The following ARHGAP10 variants were observed in gnomAD, a reference collection of about 807,000 sequenced individuals.
ARHGAP10 encodes the protein rho GTPase-activating protein 10.
ARHGAP10 carries 87 observed loss-of-function variants against 108.6 expected under a neutral mutation model. The ratio of observed to expected loss-of-function variants is 0.80; its 90% CI spans 0.67 to 0.96. ARHGAP10 has a LOEUF of 0.96. Among genes scored for constraint, ARHGAP10 ranks in the 40% least tolerant of loss-of-function variants. ARHGAP10 has a pLI of 0.00. For missense variants in ARHGAP10, 939 were observed against 954.5 expected (o/e 0.98, Z 0.21); for synonymous variants, 347 against 341.1 (o/e 1.02, Z -0.19).
rs763356812 is a variant in ARHGAP10, at chr4:147,732,467, C to G, written c.154+12C>G. On this transcript the variant is annotated intron_variant, in intron 1 of 22. Coordinates refer to ENST00000336498, the MANE Select transcript of ARHGAP10 (RefSeq NM_024605.4). ...CGCTGCGACGAAAAGTAAGCGGGGA[C>G]GCGGGCGCGGACGGGCTGCGGCGTG... 17 of 1,609,400 alleles carry G rather than the reference C, an allele frequency of 1.1e-5. No homozygotes were observed. Among genetic ancestry groups the G allele is most frequent in the Non-Finnish European group, 1.4e-5 (17 of 1,177,678 alleles).
chr4:147,841,050 T>C lies in ARHGAP10; in HGVS notation c.313-6101T>C, dbSNP rs542211829. Among the ~76,000 whole-genome samples the C allele has an allele frequency of 3.3e-4, 50 of 152,374 alleles. 1 individual carries two copies. Among genetic ancestry groups the C allele is most frequent in the African/African-American group, 1.0e-3 (43 of 41,602 alleles). ...AACACACTTGGACCCATCATTCATA[T>C]GCTGTTTGTGGCTGCTTTTGTGCTA... On this transcript the variant is annotated intron_variant, in intron 3 of 22. Transcript: ENST00000336498.
chr4:148,031,697 T>A (rs547260533), intron 19 of ARHGAP10, among the ~76,000 whole-genome samples: 1 of 152,308 alleles, frequency 6.6e-6, no homozygotes, highest in African/African-American at 2.4e-5. Context: ...AAAAAACAAA[T>A]GTTTAGTGTT....
At chr4:147,930,982 A>C (rs1737654671) in intron 13 of ARHGAP10, among the ~76,000 whole-genome samples, 1 of 152,206 alleles carries the variant, frequency 6.6e-6, no homozygotes, top group Non-Finnish European at 1.5e-5. Flanking sequence ...AGTTCCATGC[A>C]GGTGTTTTCT....
At chr4:148,070,237 G>A (rs979020754) in intron 22 of ARHGAP10, among the ~76,000 whole-genome samples, 1 of 152,192 alleles carries the variant, frequency 6.6e-6, no homozygotes. Flanking sequence ...GACCTGGTCT[G>A]GAGCCAGGAG....
chr4:148,033,143 T>G (rs565086055), intron 19 of ARHGAP10, among the ~76,000 whole-genome samples: 5 of 152,300 alleles, frequency 3.3e-5, no homozygotes, highest in Non-Finnish European at 5.9e-5. Context: ...TTTTTCAAAT[T>G]TTATAGTATA....
At chr4:147,843,294 G>A (rs899976732) in intron 3 of ARHGAP10, among the ~76,000 whole-genome samples, 1 of 152,124 alleles carries the variant, frequency 6.6e-6, no homozygotes, top group African/African-American at 2.4e-5. Flanking sequence ...TGTCTTAAAA[G>A]AATACATGCC....
intron 20 of ARHGAP10, among the ~76,000 whole-genome samples, chr4:148,053,037 A>G (rs1729212856): frequency 6.6e-6 from 1 of 152,168 alleles, no homozygotes; most frequent in East Asian, 1.9e-4. Flanking sequence ...ATTATGGGCC[A>G]CCAGACTTTG....
chr4:147,785,897 A>G (rs1354449810), intron 1 of ARHGAP10, among the ~76,000 whole-genome samples: 1 of 152,096 alleles, frequency 6.6e-6, no homozygotes, highest in Non-Finnish European at 1.5e-5. Context: ...ACCACTCCCT[A>G]TTTTCATAAT....
chr4:148,025,560 T>G (rs895194546), intron 19 of ARHGAP10, among the ~76,000 whole-genome samples: 2 of 151,986 alleles, frequency 1.3e-5, no homozygotes, highest in Non-Finnish European at 2.9e-5. Context: ...AGGGTCTATA[T>G]TTTGTCATAG....
At chr4:147,808,352 G>A (rs1385854715) in intron 1 of ARHGAP10, among the ~76,000 whole-genome samples, 1 of 152,060 alleles carries the variant, frequency 6.6e-6, no homozygotes, top group Non-Finnish European at 1.5e-5. Flanking sequence ...GGAACAGAAG[G>A]GAGGCTGTTG....
chr4:148,058,940 T>G (rs1290700013), intron 20 of ARHGAP10, among the ~76,000 whole-genome samples: 1 of 152,206 alleles, frequency 6.6e-6, no homozygotes, highest in African/African-American at 2.4e-5. Context: ...CTTACTGTCT[T>G]CCCAGCTCTT....
chr4:148,063,206 A>G lies in ARHGAP10; in HGVS notation c.2086A>G (p.Thr696Ala), dbSNP rs746869695. 6.2e-7 allele frequency: 1 copy of G among 1,614,144 alleles called. No homozygotes were observed. The highest frequency in any genetic ancestry group is 1.3e-5 in the African/African-American group (1 of 75,022). Residue 696 changes from threonine to alanine, a missense_variant, in exon 21 of 23, where the codon ACA becomes GCA. Transcript: ENST00000336498. Reference protein sequence around the residue: ...QWLNPQSPTTTSSNSAVTPLS... With the variant: ...QWLNPQSPTTASSNSAVTPLS... ...GCTTAACCCACAGTCTCCAACCACA[A>G]CAAGCTCCAACTCAGCTGTGACACC...
intron 19 of ARHGAP10, among the ~76,000 whole-genome samples, chr4:148,033,463 C>T (rs1467632886): frequency 6.6e-6 from 1 of 152,182 alleles, no homozygotes; most frequent in African/African-American, 2.4e-5. Flanking sequence ...TAAATATAAG[C>T]ATACAAGTAA....
chr4:147,980,208 T>A (rs553799807), intron 18 of ARHGAP10, among the ~76,000 whole-genome samples: 1 of 152,338 alleles, frequency 6.6e-6, no homozygotes, highest in East Asian at 1.9e-4. Flanking sequence ...GTATCTTCTT[T>A]CAATGCCTAG....
At chr4:147,994,339 A>G (rs981642604) in intron 18 of ARHGAP10, among the ~76,000 whole-genome samples, 1 of 152,242 alleles carries the variant, frequency 6.6e-6, no homozygotes. Context: ...TGAGCCACAC[A>G]TGCCGGTGCC....
chr4:147,736,454 T>G (rs556882602), intron 1 of ARHGAP10, among the ~76,000 whole-genome samples: 3 of 152,382 alleles, frequency 2.0e-5, no homozygotes, highest in African/African-American at 7.2e-5. Context: ...ATTTTCCTAT[T>G]TTGTAAACTT....
At chr4:148,012,924 G>GTTTTTT (rs560854784) in intron 18 of ARHGAP10, among the ~76,000 whole-genome samples, 1 of 138,958 alleles carries the variant, frequency 7.2e-6, no homozygotes, top group Non-Finnish European at 1.6e-5. Context: ...TATCTGTCTG[G>GTTTTTT]TTTTTTTTTT....
chr4:147,803,953 C>T (rs192207916), intron 1 of ARHGAP10, among the ~76,000 whole-genome samples: 4 of 149,384 alleles, frequency 2.7e-5, no homozygotes, highest in East Asian at 1.9e-4. Flanking sequence ...GATAAATATT[C>T]GATAGTGGGA....
At chr4:148,008,252 G>A (rs181089045) in intron 18 of ARHGAP10, among the ~76,000 whole-genome samples, 2 of 152,126 alleles carry the variant, frequency 1.3e-5, no homozygotes, top group Non-Finnish European at 2.9e-5. Flanking sequence ...AAAGCATCTT[G>A]GATGCACTTC....
Sources: gnomAD v4.1 joint callset for allele counts (sites outside exome capture counted in the v4.1 genomes callset) on GRCh38, gnomAD v4.1.1 for gene constraint, MANE v1.5 for transcripts, NCBI Gene and HGNC (gene_info 2026-07-23, HGNC 2026-07-21) for gene names.